The following OR4D1 variants were observed in gnomAD, a reference collection of about 807,000 sequenced individuals.
The protein encoded by OR4D1 is olfactory receptor 4D1.
Under a neutral mutation model 14.2 loss-of-function variants are expected in OR4D1, and 10 were observed. The ratio of observed to expected loss-of-function variants is 0.71; its 90% CI spans 0.44 to 1.20. OR4D1 has a LOEUF of 1.20. Among genes scored for constraint, OR4D1 ranks in the 50% most tolerant of loss-of-function variants. The pLI is 0.00. For missense variants in OR4D1, 345 were observed against 376.6 expected, an observed-to-expected ratio of 0.92 and a Z score of 0.70; for synonymous variants, 141 against 147.4, an observed-to-expected ratio of 0.96 and a Z score of 0.32.
In OR4D1 at chr17:58,157,575, A is replaced by G; in HGVS notation, c.*1489A>G. 1 of 1,598,908 alleles carries G rather than the reference A, an allele frequency of 6.3e-7. No homozygotes were observed. Among genetic ancestry groups the G allele is most frequent in the Non-Finnish European group, 8.6e-7 (1 of 1,166,408 alleles). Reference sequence around the variant, plus strand: ...ACTCAGGTCAAAATCTTGTTCCAGAACCGAAGGGCCAAGACGAAAAGACTG... The same window carrying G: ...ACTCAGGTCAAAATCTTGTTCCAGAGCCGAAGGGCCAAGACGAAAAGACTG... On this transcript the variant is annotated 3_prime_UTR_variant, in exon 4 of 4. Transcript: ENST00000268912.
In OR4D1 at chr17:58,157,976, G is replaced by A. The variant is rs1967800433; in HGVS notation, c.*1890G>A. The A allele has an allele frequency of 5.5e-6, 3 of 549,164 alleles. No individual in the cohort carries two copies. Among genetic ancestry groups the A allele is most frequent in the Non-Finnish European group, 6.4e-6 (2 of 311,172 alleles). 34.0% of individuals were successfully genotyped at this position (549,164 alleles called of 1,614,324 possible). On this transcript the variant is annotated 3_prime_UTR_variant, in exon 4 of 4. Transcript: ENST00000268912. ...CACAGCTGAAGTTTGTTCTTTAGGC[G>A]GAGGCACCAAGCCTTGTTTTCTTGG... is the stretch of plus-strand genomic sequence containing the variant.
rs563842371 is a variant in OR4D1, at chr17:58,155,545, G to A, written c.392G>A (p.Arg131Gln). 8.7e-6 allele frequency: 14 copies of A among 1,614,026 alleles called. No individual in the cohort carries two copies. Among genetic ancestry groups the A allele is most frequent in the South Asian group, 6.6e-5 (6 of 91,074 alleles). The change falls in exon 4 of 4, where the codon CGG becomes CAG. Residue 131 changes from arginine (R) to glutamine (Q), a missense_variant. Transcript: ENST00000268912. Reference protein sequence around the residue: ...DRYIAISQPLRYVTIMNTQLC... With the variant: ...DRYIAISQPLQYVTIMNTQLC... ...TACATAGCCATCTCCCAGCCCCTCCGGTATGTCACCATCATGAACACTCAA... is the reference window on the plus strand; with the variant it reads ...TACATAGCCATCTCCCAGCCCCTCCAGTATGTCACCATCATGAACACTCAA...
rs1967787616 is a variant in OR4D1 at position 58,157,171 on chromosome 17, C to T, written c.*1085C>T. 2 of 1,462,574 alleles carry T rather than the reference C, an allele frequency of 1.4e-6. No homozygotes were observed. The highest frequency in any genetic ancestry group is 1.8e-6 in the Non-Finnish European group (2 of 1,103,726). The allele number at this position is 1,462,574 out of a possible 1,614,324, so 90.6% of individuals were successfully genotyped here. A position where few individuals can be genotyped will look rare whatever the true frequency, so the allele number is the denominator to read the frequency against. ...GATGCGCTCGTGTCGGACAAGAAGCCGCCCAAGGAGGCATCCCCAGTGCCG... is the reference window on the plus strand; with the variant it reads ...GATGCGCTCGTGTCGGACAAGAAGCTGCCCAAGGAGGCATCCCCAGTGCCG... On this transcript the variant is annotated 3_prime_UTR_variant, in exon 4 of 4. Transcript: ENST00000268912.
intron 3 of OR4D1, among the ~76,000 whole-genome samples, chr17:58,154,928 A>G (rs1044811302): frequency 1.3e-5 from 2 of 152,238 alleles, no homozygotes; most frequent in Admixed American, 1.3e-4. Flanking sequence ...GATTCTTGTA[A>G]TATACTGTAG....
At chr17:58,152,071 T>G (rs1379189960) in intron 2 of OR4D1, among the ~76,000 whole-genome samples, 4 of 152,250 alleles carry the variant, frequency 2.6e-5, no homozygotes, top group Non-Finnish European at 5.9e-5. Context: ...AAATTGTTCC[T>G]TATTATATTT....
intron 1 of OR4D1, among the ~76,000 whole-genome samples, chr17:58,149,054 A>G (rs1418558179): frequency 6.6e-6 from 1 of 152,166 alleles, no homozygotes; most frequent in East Asian, 1.9e-4. Context: ...CATTTTGGGA[A>G]CCCACTTATT....
In OR4D1 at chr17:58,157,686, C is replaced by G. The variant is rs1404998605; in HGVS notation, c.*1600C>G. 5.6e-6 allele frequency: 9 copies of G among 1,613,826 alleles called. No homozygotes were observed. In the African/African-American group the frequency reaches 9.3e-5, roughly 17 times the overall value. On this transcript the variant is annotated 3_prime_UTR_variant, in exon 4 of 4. Coordinates refer to ENST00000268912, the MANE Select transcript of OR4D1 (RefSeq NM_001386095.1). ...AGTCTCCCTTTCCCCATCAGCTCGC[C>G]CCTGCAGGCAGCGTCCATATACGCA... is the stretch of plus-strand genomic sequence containing the variant.
intron 2 of OR4D1, among the ~76,000 whole-genome samples, chr17:58,150,337 T>C (rs1967685813): frequency 6.6e-6 from 1 of 152,198 alleles, no homozygotes; most frequent in Admixed American, 6.5e-5. Context: ...TGTACTATGT[T>C]GCACAGTGTG....
At position 58,157,214 on chromosome 17, in the gene OR4D1, C is replaced by T. The variant is rs1567780106; in HGVS notation, c.*1128C>T. 2 of 1,463,686 alleles carry T rather than the reference C, an allele frequency of 1.4e-6. No homozygotes were observed. Among genetic ancestry groups the T allele is most frequent in the Non-Finnish European group, 1.8e-6 (2 of 1,110,378 alleles). The allele number at this position is 1,463,686 out of a possible 1,614,324, so 90.7% of individuals were successfully genotyped here. A position where few individuals can be genotyped will look rare whatever the true frequency, so the allele number is the denominator to read the frequency against. ...CAGTGCCGGCCAAAAGCGCCTCTTC[C>T]GGGGCCACCCTGCGGCTACTGCTGC... On this transcript the variant is annotated 3_prime_UTR_variant, in exon 4 of 4. Coordinates refer to ENST00000268912, the MANE Select transcript of OR4D1 (RefSeq NM_001386095.1).
chr17:58,155,296 C>T lies in OR4D1; in HGVS notation c.143C>T (p.Thr48Ile). 2.5e-6 allele frequency: 4 copies of T among 1,614,090 alleles called. No individual in the cohort carries two copies. The highest frequency in any genetic ancestry group is 3.4e-6 in the Non-Finnish European group (4 of 1,180,022). Residue 48 changes from threonine (T) to isoleucine (I), a missense_variant, in exon 4 of 4, where the codon ACA (threonine) becomes ATA (isoleucine). Coordinates refer to ENST00000268912, the MANE Select transcript of OR4D1 (RefSeq NM_001386095.1). The stretch of plus-strand genomic sequence containing the variant: ...GTGGGAAACCTCCTTATCATGGTCA[C>T]AGTGACTTTTGACTGCCGGCTCCAC... The part of the protein sequence containing the change: ...TIVGNLLIMV[T>I]VTFDCRLHTP...
At position 58,157,307 on chromosome 17, in the gene OR4D1, G is replaced by C. The variant is rs1052660487; in HGVS notation, c.*1221G>C. The C allele has an allele frequency of 2.0e-6, 3 of 1,505,198 alleles. No homozygotes were observed. Among genetic ancestry groups the C allele is most frequent in the Admixed American group, 2.2e-5 (1 of 45,556 alleles). The allele number at this position is 1,505,198 out of a possible 1,614,324, so 93.2% of individuals were successfully genotyped here. The stretch of plus-strand genomic sequence containing the variant: ...TGATCAAGCCCTTCGAGACCGCCTC[G>C]GTCAAGTGGGAAAACTCCCTAAGAC... On this transcript the variant is annotated 3_prime_UTR_variant, in exon 4 of 4. Coordinates refer to ENST00000268912, the MANE Select transcript of OR4D1 (RefSeq NM_001386095.1).
intron 3 of OR4D1, 40 bp from the exon 4 acceptor site, chr17:58,155,095 T>C: frequency 7.6e-7 from 1 of 1,309,028 alleles, no homozygotes; most frequent in Non-Finnish European, 1.0e-6. Context: ...GAATTTTCAT[T>C]TTTTTTGTTT....
chr17:58,158,567 A>G lies in OR4D1; in HGVS notation c.*2481A>G, dbSNP rs1032533690. 1.4e-5 allele frequency: 2 copies of G among 146,886 alleles called. No individual in the cohort carries two copies. Among genetic ancestry groups the G allele is most frequent in the African/African-American group, 5.2e-5 (2 of 38,458 alleles). 9.1% of individuals were successfully genotyped at this position (146,886 alleles called of 1,614,324 possible). ...ATGCCTGGAGGTGAGGTAGAAAATTAGAAATACTTCCTAATTCTTCTCAAG... is the reference window on the plus strand; with the variant it reads ...ATGCCTGGAGGTGAGGTAGAAAATTGGAAATACTTCCTAATTCTTCTCAAG... On this transcript the variant is annotated 3_prime_UTR_variant, in exon 4 of 4. Coordinates refer to ENST00000268912, the MANE Select transcript of OR4D1 (RefSeq NM_001386095.1).
At chr17:58,154,893 C>T (rs1418136684) in intron 3 of OR4D1, among the ~76,000 whole-genome samples, 1 of 152,182 alleles carries the variant, frequency 6.6e-6, no homozygotes, top group South Asian at 2.1e-4. Context: ...TTGAGGACAG[C>T]ATGGCCGAAG....
In OR4D1 at chr17:58,155,024, G is replaced by A. The variant is rs150418923; in HGVS notation, c.-19-111G>A. On this transcript the variant is annotated intron_variant, in intron 3 of 3. Coordinates refer to ENST00000268912, the MANE Select transcript of OR4D1 (RefSeq NM_001386095.1). The stretch of plus-strand genomic sequence containing the variant: ...GGAGGGCTTTCCTAAGCTACATCTC[G>A]GATTGACACTCAACAACTCAACTTA... 332 of 729,192 alleles carry A rather than the reference G, an allele frequency of 4.6e-4. No individual in the cohort carries two copies. In the African/African-American group the frequency reaches 5.2e-3, roughly 11 times the overall value. The allele number at this position is 729,192 out of a possible 1,614,324, so 45.2% of individuals were successfully genotyped here.
chr17:58,154,498 G>T (rs1194303057), intron 3 of OR4D1, among the ~76,000 whole-genome samples: 2 of 152,144 alleles, frequency 1.3e-5, no homozygotes, highest in African/African-American at 4.8e-5. Flanking sequence ...TACTACAGAA[G>T]TACTTACAGG....
rs1967671974 is a variant in OR4D1 at position 58,149,534 on chromosome 17, T to C, written c.-389T>C. The stretch of plus-strand genomic sequence containing the variant: ...AAGGGTCTGTGTGTACCACGTACTG[T>C]GTAATACTTAACATATTGGATTTGC... On this transcript the variant is annotated 5_prime_UTR_variant, in exon 2 of 4. Coordinates refer to ENST00000268912, the MANE Select transcript of OR4D1 (RefSeq NM_001386095.1). 6.6e-6 allele frequency: 1 copy of C among 151,706 alleles called. No individual in the cohort carries two copies. Among genetic ancestry groups the C allele is most frequent in the Non-Finnish European group, 1.5e-5 (1 of 68,054 alleles). 9.4% of individuals were successfully genotyped at this position (151,706 alleles called of 1,614,324 possible).
rs1367638341 is a variant in OR4D1 at position 58,155,406 on chromosome 17, T to G, written c.253T>G (p.Phe85Val). The G allele has an allele frequency of 6.2e-7, 1 of 1,614,194 alleles. No individual in the cohort carries two copies. Among genetic ancestry groups the G allele is most frequent in the Admixed American group, 1.7e-5 (1 of 60,030 alleles). Residue 85 changes from phenylalanine (F) to valine (V), a missense_variant, in exon 4 of 4, where the codon TTC becomes GTC. Transcript: ENST00000268912. ...TVTSPKMLVD[F>V]LHETKTISYQ... ...CACCTCTCCAAAGATGCTGGTGGAC[T>G]TCCTCCATGAGACCAAGACGATCTC...
rs974781538 is a variant in OR4D1, at chr17:58,156,139, C to G, written c.*53C>G. 8.3e-7 allele frequency: 1 copy of G among 1,203,188 alleles called. No individual in the cohort carries two copies. The allele number at this position is 1,203,188 out of a possible 1,614,324, so 74.5% of individuals were successfully genotyped here. A position where few individuals can be genotyped will look rare whatever the true frequency, so the allele number is the denominator to read the frequency against. On this transcript the variant is annotated 3_prime_UTR_variant, in exon 4 of 4. Coordinates refer to ENST00000268912, the MANE Select transcript of OR4D1 (RefSeq NM_001386095.1). ...AAATTTCTCTGGATTTTTATTTTCC[C>G]ACATGAAAAATGGAGGAAAGTCTTT...
Sources: allele counts gnomAD v4.1 joint callset (sites outside exome capture counted in the v4.1 genomes callset), GRCh38; gene constraint gnomAD v4.1.1; transcripts MANE v1.5; gene names NCBI Gene and HGNC (gene_info 2026-07-23, HGNC 2026-07-21).